DCUN1D4: variants seen among roughly 807,000 people sequenced by gnomAD.
The protein encoded by DCUN1D4 is defective in cullin neddylation 1 domain containing 4.
A neutral mutation model predicts 47.9 loss-of-function variants in DCUN1D4; 22 were observed. That is an observed-to-expected ratio of 0.46 (90% CI 0.33 to 0.66). The LOEUF (loss-of-function observed/expected upper bound fraction) is 0.66, where lower values mean the gene tolerates loss of function less well. Ranked by LOEUF, DCUN1D4 falls within the 30% of genes least tolerant of loss-of-function variation. The pLI is 0.02. For synonymous variants in DCUN1D4, 121 were observed against 112.2 expected (o/e 1.08, Z -0.50); for missense variants, 301 against 340.8 (o/e 0.88, Z 0.92).
At chr4:51,843,419 G>T in intron 1 of DCUN1D4, 152 bp downstream of exon 1, 1 of 1,273,390 alleles carries the variant, frequency 7.9e-7, no homozygotes, top group South Asian at 2.1e-5. Flanking sequence ...GGGCCGGGGC[G>T]GGCGGTGACG....
At chr4:51,902,689 G>A (rs375142128) in intron 8 of DCUN1D4, among the ~76,000 whole-genome samples, 1 of 152,244 alleles carries the variant, frequency 6.6e-6, no homozygotes, top group East Asian at 1.9e-4. Context: ...GACAATATGT[G>A]TTTTAACTGG....
intron 8 of DCUN1D4, among the ~76,000 whole-genome samples, chr4:51,902,090 A>G (rs1384518909): frequency 6.6e-6 from 1 of 152,176 alleles, no homozygotes; most frequent in East Asian, 1.9e-4. Flanking sequence ...CCAGGTATTT[A>G]GGATTGTCCA....
intron 7 of DCUN1D4, among the ~76,000 whole-genome samples, chr4:51,892,842 G>T (rs1730640424): frequency 6.6e-6 from 1 of 152,060 alleles, no homozygotes; most frequent in Non-Finnish European, 1.5e-5. Context: ...AAAGTAATTG[G>T]GATGACTTTC....
At chr4:51,903,482 T>G (rs755730810) in intron 8 of DCUN1D4, among the ~76,000 whole-genome samples, 2 of 152,168 alleles carry the variant, frequency 1.3e-5, no homozygotes, top group Non-Finnish European at 2.9e-5. Context: ...TAATTTTCTT[T>G]ATGTTTATTT....
chr4:51,864,213 C>T (rs1482038797), intron 3 of DCUN1D4, among the ~76,000 whole-genome samples: 1 of 152,104 alleles, frequency 6.6e-6, no homozygotes, highest in Non-Finnish European at 1.5e-5. Flanking sequence ...GTTTAAAGTA[C>T]AGATGTTAGG....
chr4:51,891,916 A>G (rs1730490391), intron 7 of DCUN1D4, 65 bp downstream of exon 7: 3 of 1,234,918 alleles, frequency 2.4e-6, no homozygotes, highest in Non-Finnish European at 3.5e-6. Context: ...CTTCCTCCCT[A>G]GGACTTCAGG....
chr4:51,877,021 C>A (rs1727823388), intron 4 of DCUN1D4, among the ~76,000 whole-genome samples: 7 of 152,134 alleles, frequency 4.6e-5, no homozygotes, highest in Middle Eastern at 3.4e-3. Flanking sequence ...CTTCCTCAGC[C>A]CCTGGTTATT....
chr4:51,851,762 A>G (rs1436117516), intron 1 of DCUN1D4, among the ~76,000 whole-genome samples: 1 of 152,196 alleles, frequency 6.6e-6, no homozygotes, highest in Non-Finnish European at 1.5e-5. Flanking sequence ...GCATTAACTC[A>G]TTTAATCCTC....
At chr4:51,887,230 T>C in intron 6 of DCUN1D4, 1 of 393,532 alleles carries the variant, frequency 2.5e-6, no homozygotes, top group Non-Finnish European at 5.0e-6. Flanking sequence ...GCCTCCTGAG[T>C]AGCTGGGACT....
chr4:51,899,030 A>C (rs1731703421), intron 7 of DCUN1D4, among the ~76,000 whole-genome samples: 1 of 152,254 alleles, frequency 6.6e-6, no homozygotes. Context: ...GAGAGAGTAC[A>C]TAAATATAAA....
chr4:51,862,711 C>G (rs1725262108), intron 1 of DCUN1D4, among the ~76,000 whole-genome samples: 1 of 152,026 alleles, frequency 6.6e-6, no homozygotes, highest in African/African-American at 2.4e-5. Context: ...TGCAAACATA[C>G]TTTACTTCAA....
At chr4:51,842,531 G>A (rs2109764992), upstream of DCUN1D4, among the ~76,000 whole-genome samples, 1 of 152,358 alleles carries the variant, frequency 6.6e-6, no homozygotes, top group Middle Eastern at 3.4e-3. Flanking sequence ...AGGTTTGCTG[G>A]AAATTAAGAC....
chr4:51,909,360 G>A (rs920504366), intron 8 of DCUN1D4: 9 of 192,540 alleles, frequency 4.7e-5, no homozygotes, highest in African/African-American at 2.1e-4. Flanking sequence ...GTCCTGTGGT[G>A]CCGCGTGTGT....
the DCUN1D4 span, among the ~76,000 whole-genome samples, chr4:51,834,881 G>A: frequency 6.6e-6 from 1 of 152,174 alleles, no homozygotes; most frequent in African/African-American, 2.4e-5. Context: ...GCTACTTAGG[G>A]ACCTACTCTT....
intron 8 of DCUN1D4, among the ~76,000 whole-genome samples, chr4:51,901,039 C>T (rs955189960): frequency 2.0e-5 from 3 of 152,144 alleles, no homozygotes; most frequent in East Asian, 1.9e-4. Context: ...GCAGCCTCAC[C>T]GGTGGAGGCC....
intron 8 of DCUN1D4, among the ~76,000 whole-genome samples, chr4:51,902,204 G>A (rs367847042): frequency 4.6e-5 from 7 of 152,054 alleles, no homozygotes; most frequent in Non-Finnish European, 1.0e-4. Context: ...GGTCTGCTGC[G>A]GTGAATATTT....
intron 1 of DCUN1D4, among the ~76,000 whole-genome samples, chr4:51,850,198 TC>T (rs1234578941): frequency 2.6e-5 from 4 of 152,244 alleles, no homozygotes; most frequent in Admixed American, 2.6e-4. Context: ...GATAAATCTC[TC>T]GTTTTTACTG....
chr4:51,861,637 C>T (rs1196447612), intron 1 of DCUN1D4, among the ~76,000 whole-genome samples: 2 of 152,160 alleles, frequency 1.3e-5, no homozygotes, highest in African/African-American at 4.8e-5. Flanking sequence ...TCTCCCCTCC[C>T]TTACCCTCAG....
chr4:51,910,500 G>A (rs1171533129), intron 8 of DCUN1D4, among the ~76,000 whole-genome samples: 1 of 152,036 alleles, frequency 6.6e-6, no homozygotes. Flanking sequence ...CACCAGAGTG[G>A]GTAGATGAAT....
Sources: allele counts gnomAD v4.1 joint callset (sites outside exome capture counted in the v4.1 genomes callset), GRCh38; gene constraint gnomAD v4.1.1; transcripts MANE v1.5; gene names NCBI Gene and HGNC (gene_info 2026-07-23, HGNC 2026-07-21).